The following AFF3 variants were observed in gnomAD, a reference collection of about 807,000 sequenced individuals.
The protein encoded by AFF3 is ALF transcription elongation factor 3.
AFF3 carries 32 observed loss-of-function variants against 129.7 expected under a neutral mutation model. The observed-to-expected ratio is 0.25, with a 90% CI of 0.19 to 0.33. AFF3 has a LOEUF of 0.33. AFF3 is among the 10% of genes least tolerant of loss of function. The pLI, the probability that AFF3 is intolerant of heterozygous loss-of-function variation, is 1.00. For missense variants in AFF3, 1,373 were observed against 1,592.0 expected, an observed-to-expected ratio of 0.86 and a Z score of 2.34; for synonymous variants, 644 against 635.4, an observed-to-expected ratio of 1.01 and a Z score of -0.20.
intron 8 of AFF3, among the ~76,000 whole-genome samples, chr2:99,796,332 CT>C (rs1216401653): frequency 3.3e-5 from 5 of 152,172 alleles, no homozygotes; most frequent in Middle Eastern, 3.2e-3. Flanking sequence ...TAATACAAAA[CT>C]CTTCAATTTA....
At chr2:99,689,436 C>A (rs1675382986) in intron 11 of AFF3, among the ~76,000 whole-genome samples, 1 of 152,074 alleles carries the variant, frequency 6.6e-6, no homozygotes, top group African/African-American at 2.4e-5. Flanking sequence ...TCCTCAAAGA[C>A]CACCCCAAAG....
At chr2:99,730,114 A>T (rs1679697711) in intron 10 of AFF3, among the ~76,000 whole-genome samples, 1 of 152,120 alleles carries the variant, frequency 6.6e-6, no homozygotes, top group Non-Finnish European at 1.5e-5. Flanking sequence ...CCTAACATAC[A>T]CTAGGTGCTC....
At chr2:100,058,213 G>A (rs1435572135) in intron 4 of AFF3, among the ~76,000 whole-genome samples, 1 of 152,132 alleles carries the variant, frequency 6.6e-6, no homozygotes, top group African/African-American at 2.4e-5. Context: ...CAATTTTGCT[G>A]GAAATTGAGG....
rs1466421341 is a variant in AFF3 at position 99,549,976 on chromosome 2, T to C, written c.*1498A>G. The C allele has an allele frequency of 4.4e-6, 1 of 228,484 alleles. No homozygotes were observed. The highest frequency in any genetic ancestry group is 8.7e-6 in the Non-Finnish European group (1 of 115,156). The allele number at this position is 228,484 out of a possible 1,614,324, so 14.2% of individuals were successfully genotyped here. A position where few individuals can be genotyped will look rare whatever the true frequency, so the allele number is the denominator to read the frequency against. On this transcript the variant is annotated 3_prime_UTR_variant, in exon 25 of 25. Transcript: ENST00000672756. ...TTCTCAGACCGTCCTGGTGCAACTT[T>C]ATCAAGTAAGAGGCCACAAGGACAT...
At chr2:99,903,311 C>G (rs1359114980) in intron 7 of AFF3, among the ~76,000 whole-genome samples, 1 of 152,148 alleles carries the variant, frequency 6.6e-6, no homozygotes, top group Non-Finnish European at 1.5e-5. Flanking sequence ...TGGTAACAAA[C>G]TCTCTTCTGC....
chr2:99,913,392 G>A (rs1389261790), intron 7 of AFF3, among the ~76,000 whole-genome samples: 1 of 152,136 alleles, frequency 6.6e-6, no homozygotes, highest in Non-Finnish European at 1.5e-5. Flanking sequence ...GAATAAACCT[G>A]TGAAACTGGA....
intron 11 of AFF3, among the ~76,000 whole-genome samples, chr2:99,720,687 T>G (rs1678811318): frequency 6.6e-6 from 1 of 152,262 alleles, no homozygotes; most frequent in South Asian, 2.1e-4. Flanking sequence ...TGTTTTCTAT[T>G]GATACCTTCT....
intron 4 of AFF3, among the ~76,000 whole-genome samples, chr2:100,021,980 G>A (rs1382075807): frequency 6.6e-6 from 1 of 152,166 alleles, no homozygotes; most frequent in Non-Finnish European, 1.5e-5. Flanking sequence ...TTCCACACAA[G>A]TACTGCGGAG....
intron 9 of AFF3, among the ~76,000 whole-genome samples, chr2:99,748,866 T>C (rs1353235872): frequency 7.2e-5 from 11 of 152,206 alleles, no homozygotes; most frequent in Non-Finnish European, 1.6e-4. Context: ...ACCTATTCAT[T>C]GACGAAAAAT....
chr2:99,896,620 CTTTTTTTTTTTT>C (rs35573862), intron 7 of AFF3, among the ~76,000 whole-genome samples: 34 of 36,092 alleles, frequency 9.4e-4, no homozygotes, highest in East Asian at 2.1e-3. Context: ...TGTCAAAATG[CTTTTTTTTTTTT>C]TTTTTTTTTT....
intron 4 of AFF3, among the ~76,000 whole-genome samples, chr2:100,066,640 C>T (rs1687738849): frequency 6.6e-6 from 1 of 151,906 alleles, no homozygotes; most frequent in East Asian, 1.9e-4. Context: ...CAGTGAGGTC[C>T]CATTTATTTC....
chr2:99,717,519 T>C (rs1355217122), intron 11 of AFF3, among the ~76,000 whole-genome samples: 2 of 152,212 alleles, frequency 1.3e-5, no homozygotes, highest in African/African-American at 2.4e-5. Context: ...ATTGGCCAAT[T>C]TGTGTATCTT....
intron 14 of AFF3, among the ~76,000 whole-genome samples, chr2:99,600,796 G>C (rs1013751157): frequency 1.3e-5 from 2 of 152,094 alleles, no homozygotes; most frequent in African/African-American, 4.8e-5. Flanking sequence ...AGTAGAAACA[G>C]CAATGGTTTT....
intron 11 of AFF3, 114 bp from the exon 12 acceptor site, chr2:99,672,703 G>A (rs1687270844): frequency 5.0e-6 from 5 of 1,001,962 alleles, no homozygotes; most frequent in Non-Finnish European, 7.5e-6. Flanking sequence ...TTGGAAATAA[G>A]TCTATTTGAT....
chr2:100,066,069 T>C (rs1328464509), intron 4 of AFF3, among the ~76,000 whole-genome samples: 2 of 152,212 alleles, frequency 1.3e-5, no homozygotes. Flanking sequence ...GTAGTCAATG[T>C]TGCTAAACAG....
chr2:99,555,214 C>T (rs1674799375), intron 22 of AFF3, among the ~76,000 whole-genome samples: 1 of 152,094 alleles, frequency 6.6e-6, no homozygotes, highest in Admixed American at 6.5e-5. Flanking sequence ...AGCAGCCTTA[C>T]TTTTTCATTG....
intron 7 of AFF3, among the ~76,000 whole-genome samples, chr2:99,858,366 C>T (rs1012227447): frequency 1.4e-5 from 2 of 141,234 alleles, no homozygotes. Context: ...AGCAATGTGG[C>T]GAAACCCTGT....
intron 11 of AFF3, among the ~76,000 whole-genome samples, chr2:99,689,592 C>T (rs1313433854): frequency 7.2e-6 from 1 of 139,092 alleles, no homozygotes; most frequent in Non-Finnish European, 1.5e-5. Flanking sequence ...GTTGACAGTA[C>T]TGTCTGAGCC....
At chr2:99,885,535 G>C (rs1034568050) in intron 7 of AFF3, among the ~76,000 whole-genome samples, 1 of 152,114 alleles carries the variant, frequency 6.6e-6, no homozygotes, top group Non-Finnish European at 1.5e-5. Context: ...TTCAATCAAG[G>C]AATCATGAGT....
Sources: gnomAD v4.1 joint callset for allele counts (sites outside exome capture counted in the v4.1 genomes callset) on GRCh38, gnomAD v4.1.1 for gene constraint, MANE v1.5 for transcripts, NCBI Gene and HGNC (gene_info 2026-07-23, HGNC 2026-07-21) for gene names.